Variants in ANKRD28 observed in about 807,000 individuals in gnomAD.
ANKRD28 encodes the protein ankyrin repeat domain 28.
A neutral mutation model predicts 126.5 loss-of-function variants in ANKRD28; 44 were observed. The ratio of observed to expected loss-of-function variants is 0.35; its 90% CI spans 0.27 to 0.45. The LOEUF (loss-of-function observed/expected upper bound fraction) is 0.45. Among genes scored for constraint, ANKRD28 ranks in the 20% least tolerant of loss-of-function variants. The pLI is 1.00. For missense variants in ANKRD28, 1,110 were observed against 1,316.6 expected, an observed-to-expected ratio of 0.84 and a Z score of 2.43; for synonymous variants, 442 against 468.5, an observed-to-expected ratio of 0.94 and a Z score of 0.73.
At chr3:15,750,549 C>A (rs542009608) in intron 4 of ANKRD28, among the ~76,000 whole-genome samples, 2 of 152,308 alleles carry the variant, frequency 1.3e-5, no homozygotes, top group Admixed American at 6.5e-5. Context: ...TTCAACTGCA[C>A]CCACTGTCCC....
intron 2 of ANKRD28, among the ~76,000 whole-genome samples, chr3:15,772,493 A>T (rs2059066103): frequency 6.6e-6 from 1 of 152,198 alleles, no homozygotes; most frequent in Non-Finnish European, 1.5e-5. Flanking sequence ...AATATCAGCA[A>T]ATTGAATTCA....
intron 3 of ANKRD28, among the ~76,000 whole-genome samples, chr3:15,755,313 CAGAT>C (rs2058095710): frequency 6.6e-6 from 1 of 152,094 alleles, no homozygotes; most frequent in Non-Finnish European, 1.5e-5. Flanking sequence ...ACAATATAAA[CAGAT>C]AAATATGACA....
intron 1 of ANKRD28, among the ~76,000 whole-genome samples, chr3:15,851,580 T>C (rs1020417767): frequency 1.1e-4 from 9 of 83,228 alleles, no homozygotes; most frequent in Admixed American, 4.1e-4. Context: ...AATAAATAAA[T>C]AAATAAATAA....
At chr3:15,768,912 C>T (rs2058872646) in intron 2 of ANKRD28, among the ~76,000 whole-genome samples, 1 of 152,176 alleles carries the variant, frequency 6.6e-6, no homozygotes, top group South Asian at 2.1e-4. Flanking sequence ...ATGCTCTACA[C>T]AGAAATTATT....
chr3:15,850,224 T>TATATATATATATATATATATAG (rs1418223588), intron 1 of ANKRD28, among the ~76,000 whole-genome samples: 6 of 35,116 alleles, frequency 1.7e-4, no homozygotes, highest in Non-Finnish European at 3.0e-4. Context: ...TATATATATA[T>TATATATATATATATATATATAG]AGAGAGAGAG....
Position 15,797,550 on chromosome 3 carries a change from G to A in ANKRD28, c.-1029C>T. ...CTCAAATTACTGCTTCAGGCTTTTT[G>A]TTTTCTTTAAAAAAAAAAAGGGGGG... On this transcript the variant is annotated 5_prime_UTR_variant, in exon 1 of 28. Coordinates refer to ENST00000683139, the MANE Select transcript of ANKRD28 (RefSeq NM_001349278.2). 1 of 962,562 alleles carries A rather than the reference G, an allele frequency of 1.0e-6. No individual in the cohort carries two copies. The highest frequency in any genetic ancestry group is 1.2e-6 in the Non-Finnish European group (1 of 817,058). The allele number at this position is 962,562 out of a possible 1,614,324, so 59.6% of individuals were successfully genotyped here. A position where few individuals can be genotyped will look rare whatever the true frequency, so the allele number is the denominator to read the frequency against.
At chr3:15,695,053 CATG>C in intron 16 of ANKRD28, 132 bp downstream of exon 16, 1 of 797,186 alleles carries the variant, frequency 1.3e-6, no homozygotes, top group East Asian at 2.7e-5. Flanking sequence ...CCTCTGTACA[CATG>C]ATTTCTGTCA....
intron 4 of ANKRD28, among the ~76,000 whole-genome samples, chr3:15,745,768 A>C (rs1321067454): frequency 6.6e-6 from 1 of 152,126 alleles, no homozygotes; most frequent in Non-Finnish European, 1.5e-5. Context: ...TATTTTGATG[A>C]GAAATGCACT....
chr3:15,819,209 T>G (rs1423012203), intron 1 of ANKRD28, among the ~76,000 whole-genome samples: 1 of 151,928 alleles, frequency 6.6e-6, no homozygotes, highest in Non-Finnish European at 1.5e-5. Context: ...GCCTGGGAGG[T>G]CAAAGCTGTA....
In ANKRD28 at chr3:15,853,273, C is replaced by A. The variant is rs1302959141; in HGVS notation, c.27+6104G>T. On this transcript the variant is annotated intron_variant, in intron 1 of 27. Coordinates refer to the ANKRD28 transcript ENST00000399451. This position sits in a 1 kb window ranked among gnomAD's most constrained non-coding sequence, Gnocchi z 4.2. Reference sequence around the variant, plus strand: ...TCAAAACAAAAGACCTAATCCTGAACTATTTCCTCCAGGTACAGGGTATTT... The same window carrying A: ...TCAAAACAAAAGACCTAATCCTGAAATATTTCCTCCAGGTACAGGGTATTT... Among the ~76,000 whole-genome samples the A allele has an allele frequency of 1.3e-5, 2 of 152,168 alleles. No individual in the cohort carries two copies. Among genetic ancestry groups the A allele is most frequent in the African/African-American group, 4.8e-5 (2 of 41,422 alleles).
chr3:15,848,362 C>T (rs1214676250), intron 1 of ANKRD28, among the ~76,000 whole-genome samples: 1 of 152,150 alleles, frequency 6.6e-6, no homozygotes, highest in Non-Finnish European at 1.5e-5. Context: ...AAGACAGGGG[C>T]TATTTAATCC....
Position 15,797,468 on chromosome 3 carries a change from T to C in ANKRD28, c.-947A>G. 1.0e-6 allele frequency: 1 copy of C among 985,272 alleles called. No homozygotes were observed. The highest frequency in any genetic ancestry group is 1.2e-6 in the Non-Finnish European group (1 of 829,908). 61.0% of individuals were successfully genotyped at this position (985,272 alleles called of 1,614,324 possible). ...GCACAGGCACCAGGCAGAAATGGTG[T>C]TAGTGGAGAATCCTAGTAGAACAAG... is the stretch of plus-strand genomic sequence containing the variant. On this transcript the variant is annotated 5_prime_UTR_variant, in exon 1 of 28. Coordinates refer to ENST00000683139, the MANE Select transcript of ANKRD28 (RefSeq NM_001349278.2).
intron 27 of ANKRD28, among the ~76,000 whole-genome samples, chr3:15,674,196 A>AAAAAAAAAAAAAAAAAAAAACAAAAAAG (rs1470515364): frequency 7.7e-6 from 1 of 130,082 alleles, no homozygotes; most frequent in Non-Finnish European, 1.5e-5. Flanking sequence ...AAAAAAAAAA[A>AAAAAAAAAAAAAAAAAAAAACAAAAAAG]AAGAAGAAGA....
chr3:15,773,385 G>C (rs908653780), intron 2 of ANKRD28, among the ~76,000 whole-genome samples: 1 of 152,216 alleles, frequency 6.6e-6, no homozygotes, highest in Admixed American at 6.5e-5. Flanking sequence ...AGTACTATGG[G>C]AGGCTAAGGT....
chr3:15,742,408 A>G (rs867920554), intron 4 of ANKRD28, among the ~76,000 whole-genome samples: 7,442 of 132,612 alleles, frequency 0.056, 581 homozygotes, highest in African/African-American at 0.19. Flanking sequence ...GGGATGTGAG[A>G]AGCGCCTCTA....
Position 15,838,704 on chromosome 3 carries a change from C to A in ANKRD28, c.27+20673G>T, listed in dbSNP as rs543073542. Among the ~76,000 whole-genome samples, 61 of 151,180 alleles carry A rather than the reference C, an allele frequency of 4.0e-4. No individual in the cohort carries two copies. Among genetic ancestry groups the A allele is most frequent in the African/African-American group, 1.5e-3 (61 of 41,196 alleles). On this transcript the variant is annotated intron_variant, in intron 1 of 27. Coordinates refer to the ANKRD28 transcript ENST00000399451. The surrounding 1 kb of genome is among the most constrained non-coding windows in gnomAD (Gnocchi z 4.0). ...TAGAGGTTGCAGTGAGCCGGGACCA[C>A]GCCACTGCACTCCAGCCTGGGCAAC... is the stretch of plus-strand genomic sequence containing the variant.
In ANKRD28 at chr3:15,797,196, CAAAAAACAAAAACAA is replaced by C. The variant is rs2060314197; in HGVS notation, c.-690_-676del. On this transcript the variant is annotated 5_prime_UTR_variant, in exon 1 of 28. Coordinates refer to ENST00000683139, the MANE Select transcript of ANKRD28 (RefSeq NM_001349278.2). ...ATTCTTTCAGTGTTTGGGAAAGGGG[CAAAAAACAAAAACAA>C]AAAAAAAAAAACCACTCTGCATTAA... The C allele has an allele frequency of 3.3e-6, 2 of 605,200 alleles. No individual in the cohort carries two copies. The highest frequency in any genetic ancestry group is 3.8e-5 in the African/African-American group (1 of 26,002). 37.5% of individuals were successfully genotyped at this position (605,200 alleles called of 1,614,324 possible).
chr3:15,713,869 A>C (rs1011355727), intron 9 of ANKRD28, among the ~76,000 whole-genome samples: 1 of 152,226 alleles, frequency 6.6e-6, no homozygotes, highest in South Asian at 2.1e-4. Context: ...TTTTAAATTG[A>C]CAAGAGGGTT....
intron 24 of ANKRD28, among the ~76,000 whole-genome samples, chr3:15,677,967 C>T (rs898297888): frequency 1.1e-4 from 17 of 152,022 alleles, no homozygotes; most frequent in African/African-American, 4.1e-4. Context: ...TCAGGCAATC[C>T]AACTCCACAG....
Sources: allele counts gnomAD v4.1 joint callset (sites outside exome capture counted in the v4.1 genomes callset), GRCh38; gene constraint gnomAD v4.1.1; non-coding constraint Gnocchi (gnomAD v3.1); transcripts MANE v1.5; gene names NCBI Gene and HGNC (gene_info 2026-07-23, HGNC 2026-07-21).